Variants in ATP8B1 observed in about 807,000 individuals in gnomAD.
ATP8B1 encodes the protein phospholipid-transporting ATPase IC.
Under a neutral mutation model 149.9 loss-of-function variants are expected in ATP8B1, and 80 were observed. The ratio of observed to expected loss-of-function variants is 0.53; its 90% CI spans 0.45 to 0.64. The LOEUF (loss-of-function observed/expected upper bound fraction) is 0.64, where lower values mean the gene tolerates loss of function less well. Among genes scored for constraint, ATP8B1 ranks in the 30% least tolerant of loss-of-function variants. The probability of loss-of-function intolerance (pLI) is 0.00; values close to 1 mark genes in which losing one functional copy is unlikely to be tolerated. For synonymous variants in ATP8B1, 536 were observed against 562.8 expected (o/e 0.95, Z 0.67); for missense variants, 1,247 against 1,552.6 (o/e 0.80, Z 3.31).
intron 14 of ATP8B1, 93 bp from the exon 15 acceptor site, chr18:57,684,285 T>C: frequency 1.1e-5 from 15 of 1,380,384 alleles, no homozygotes; most frequent in Middle Eastern, 1.9e-4. Context: ...AAGGTTTCAA[T>C]TATGCAAAAA....
chr18:57,655,489 G>C (rs1303567760), intron 22 of ATP8B1, 72 bp from the exon 23 acceptor site: 2 of 1,402,540 alleles, frequency 1.4e-6, no homozygotes, highest in Non-Finnish European at 2.0e-6. Flanking sequence ...TGATAAAAAT[G>C]GTTCCATAGC....
chr18:57,697,457 T>C (rs988893623), intron 8 of ATP8B1, among the ~76,000 whole-genome samples, 161 bp downstream of exon 8: 1 of 151,884 alleles, frequency 6.6e-6, no homozygotes, highest in Non-Finnish European at 1.5e-5. Flanking sequence ...TAGTAAGAGC[T>C]CCACTTCACA....
At chr18:57,713,200 C>CTTTATTTCTTTCT (rs775753740) in intron 2 of ATP8B1, among the ~76,000 whole-genome samples, 5 of 60,658 alleles carry the variant, frequency 8.2e-5, no homozygotes, top group Non-Finnish European at 1.6e-4. Context: ...TCTTTCTTTC[C>CTTTATTTCTTTCT]TTCCTTCCTT....
intron 1 of ATP8B1, among the ~76,000 whole-genome samples, chr18:57,763,333 G>A (rs960400352): frequency 4.0e-5 from 6 of 151,890 alleles, no homozygotes; most frequent in South Asian, 2.1e-4. Flanking sequence ...CGGAGATTGC[G>A]GTGAGCCGAG....
At chr18:57,686,604 A>G (rs1210493648) in intron 13 of ATP8B1, among the ~76,000 whole-genome samples, 1 of 152,138 alleles carries the variant, frequency 6.6e-6, no homozygotes, top group East Asian at 1.9e-4. Context: ...TACTTTTAGT[A>G]GAGATGGGGT....
intron 1 of ATP8B1, among the ~76,000 whole-genome samples, chr18:57,769,048 A>G (rs2080243473): frequency 1.3e-5 from 2 of 152,162 alleles, no homozygotes; most frequent in African/African-American, 4.8e-5. Flanking sequence ...GAGTATCCTT[A>G]TCTTGATGGT....
chr18:57,760,370 A>T (rs1015559058), intron 1 of ATP8B1, among the ~76,000 whole-genome samples: 6 of 152,222 alleles, frequency 3.9e-5, no homozygotes, highest in African/African-American at 7.2e-5. Context: ...GCAGAGGGAA[A>T]GGGCCTGTCC....
intron 23 of ATP8B1, 75 bp downstream of exon 23, chr18:57,655,117 TTG>T: frequency 1.0e-5 from 14 of 1,339,978 alleles, no homozygotes; most frequent in Non-Finnish European, 1.4e-5. Context: ...AAGAAATAAA[TTG>T]TCTTTTCAGA....
At chr18:57,766,995 AC>A (rs758988634) in intron 1 of ATP8B1, among the ~76,000 whole-genome samples, 13 of 152,176 alleles carry the variant, frequency 8.5e-5, no homozygotes, top group Non-Finnish European at 1.8e-4. Flanking sequence ...AGAGGTAAGA[AC>A]AGCCTGTTCT....
At chr18:57,693,900 T>C (rs1365708996) in intron 11 of ATP8B1, among the ~76,000 whole-genome samples, 1 of 152,114 alleles carries the variant, frequency 6.6e-6, no homozygotes, top group Non-Finnish European at 1.5e-5. Context: ...TAATTGCTGC[T>C]GGGAGAATTA....
Position 57,756,083 on chromosome 18 carries a change from G to A in ATP8B1, c.-25-24251C>T, listed in dbSNP as rs76336887. Among the ~76,000 whole-genome samples the A allele has an allele frequency of 4.7e-3, 707 of 150,374 alleles. 10 individuals are homozygous for A. Among genetic ancestry groups the A allele is most frequent in the Middle Eastern group, 0.02 (6 of 294 alleles). The stretch of plus-strand genomic sequence containing the variant: ...TATCTAATAGTCTGATTTCGTCATT[G>A]ACCCAATGATGTCAGTTATAGTATT... On this transcript the variant is annotated intron_variant, in intron 1 of 27. Transcript: ENST00000648908.
At chr18:57,786,711 C>T (rs1479854902) in intron 1 of ATP8B1, among the ~76,000 whole-genome samples, 1 of 152,208 alleles carries the variant, frequency 6.6e-6, no homozygotes, top group Non-Finnish European at 1.5e-5. Context: ...GGAGGTAGCA[C>T]CTCAAGTGAT....
At chr18:57,663,315 T>C (rs1243931116) in intron 20 of ATP8B1, among the ~76,000 whole-genome samples, 2 of 152,250 alleles carry the variant, frequency 1.3e-5, no homozygotes, top group Non-Finnish European at 2.9e-5. Context: ...CACCACATTC[T>C]GTTTATCCAT....
chr18:57,710,102 AG>A (rs1321677343), intron 2 of ATP8B1, among the ~76,000 whole-genome samples: 1 of 151,496 alleles, frequency 6.6e-6, no homozygotes, highest in African/African-American at 2.4e-5. Context: ...CCTTCAGAGT[AG>A]CTGGGATTAC....
At chr18:57,757,354 T>C (rs2080094163) in intron 1 of ATP8B1, among the ~76,000 whole-genome samples, 1 of 152,196 alleles carries the variant, frequency 6.6e-6, no homozygotes, top group Admixed American at 6.5e-5. Context: ...CCCCAGCCTG[T>C]AATCAGCCAT....
chr18:57,746,467 C>CTTTTTTTT (rs71171082), intron 1 of ATP8B1, among the ~76,000 whole-genome samples: 7 of 94,100 alleles, frequency 7.4e-5, no homozygotes, highest in Non-Finnish European at 1.0e-4. Flanking sequence ...CTGATGCTTA[C>CTTTTTTTT]TTTTTTTTTT....
At chr18:57,719,442 A>C (rs998720553) in intron 2 of ATP8B1, among the ~76,000 whole-genome samples, 5 of 152,218 alleles carry the variant, frequency 3.3e-5, no homozygotes, top group South Asian at 2.1e-4. Context: ...GCATTGCCTC[A>C]CCTGGGAAGC....
chr18:57,717,723 T>TTTTGG (rs1055717648), intron 2 of ATP8B1, among the ~76,000 whole-genome samples: 4 of 151,238 alleles, frequency 2.6e-5, no homozygotes, highest in African/African-American at 9.7e-5. Context: ...CGGTTTTTTG[T>TTTTGG]TTTGGTTTGG....
At chr18:57,751,720 C>T (rs896918691) in intron 1 of ATP8B1, among the ~76,000 whole-genome samples, 1 of 152,192 alleles carries the variant, frequency 6.6e-6, no homozygotes, top group Non-Finnish European at 1.5e-5. Flanking sequence ...GCAGGCCCCA[C>T]CCTAGCTCCA....
Sources: gnomAD v4.1 joint callset for allele counts (sites outside exome capture counted in the v4.1 genomes callset) on GRCh38, gnomAD v4.1.1 for gene constraint, MANE v1.5 for transcripts, NCBI Gene and HGNC (gene_info 2026-07-23, HGNC 2026-07-21) for gene names.